ARMH3: variants seen among roughly 807,000 people sequenced by gnomAD.
ARMH3 encodes the protein armadillo like helical domain containing 3.
Under a neutral mutation model 99.1 loss-of-function variants are expected in ARMH3, and 60 were observed. The ratio of observed to expected loss-of-function variants is 0.61; its 90% CI spans 0.49 to 0.75. The LOEUF is 0.75. ARMH3 is among the 30% of genes least tolerant of loss of function. The probability of loss-of-function intolerance (pLI) is 0.00; values close to 1 mark genes in which losing one functional copy is unlikely to be tolerated. For synonymous variants in ARMH3, 285 were observed against 292.8 expected (o/e 0.97, Z 0.27); for missense variants, 679 against 843.1 (o/e 0.81, Z 2.41).
At chr10:101,995,481 A>C in intron 15 of ARMH3, 126 bp from the exon 16 acceptor site, 1 of 773,836 alleles carries the variant, frequency 1.3e-6, no homozygotes, top group Non-Finnish European at 2.1e-6. Flanking sequence ...AAATCCATAA[A>C]TGAAAATCAA....
intron 13 of ARMH3, among the ~76,000 whole-genome samples, chr10:102,008,275 T>C (rs891102189): frequency 1.3e-5 from 2 of 152,204 alleles, no homozygotes; most frequent in African/African-American, 2.4e-5. Flanking sequence ...TTCAAATCAA[T>C]AGATTCCATA....
At chr10:102,017,337 C>G (rs928405571) in intron 8 of ARMH3, among the ~76,000 whole-genome samples, 1 of 152,232 alleles carries the variant, frequency 6.6e-6, no homozygotes, top group South Asian at 2.1e-4. Flanking sequence ...TTGCCCACTA[C>G]ATTAATTCTT....
At chr10:101,936,351 G>A (rs1427452414) in intron 23 of ARMH3, among the ~76,000 whole-genome samples, 1 of 151,832 alleles carries the variant, frequency 6.6e-6, no homozygotes, top group African/African-American at 2.4e-5. Flanking sequence ...AATTAGCCGG[G>A]AATAGTGGTG....
At chr10:102,047,797 A>G (rs2067593284) in intron 1 of ARMH3, among the ~76,000 whole-genome samples, 1 of 152,064 alleles carries the variant, frequency 6.6e-6, no homozygotes. Flanking sequence ...TTGGGTCTAC[A>G]TTTTTAACAA....
At chr10:101,940,072 T>C (rs1005254282) in intron 22 of ARMH3, 134 bp from the exon 23 acceptor site, 3 of 617,700 alleles carry the variant, frequency 4.9e-6, no homozygotes, top group African/African-American at 1.9e-5. Context: ...GTTAAAAACA[T>C]CCTCAGCTTA....
At chr10:101,909,385 C>T (rs905018852) in intron 23 of ARMH3, among the ~76,000 whole-genome samples, 8 of 137,834 alleles carry the variant, frequency 5.8e-5, no homozygotes, top group Admixed American at 1.6e-4. Flanking sequence ...CCAGCCTGGG[C>T]GACAGGAGTG....
chr10:101,924,002 A>G (rs1295529532), intron 23 of ARMH3, among the ~76,000 whole-genome samples: 2 of 152,198 alleles, frequency 1.3e-5, no homozygotes, highest in Non-Finnish European at 2.9e-5. Flanking sequence ...AAGGGGAGAG[A>G]TTAGTCCCAA....
At chr10:101,957,419 A>G (rs1202438305) in intron 21 of ARMH3, among the ~76,000 whole-genome samples, 4 of 152,060 alleles carry the variant, frequency 2.6e-5, no homozygotes, top group African/African-American at 9.7e-5. Context: ...TCTAACCTAT[A>G]CCCACCCCTG....
At chr10:101,884,696 C>T (rs1459018428) in intron 24 of ARMH3, among the ~76,000 whole-genome samples, 1 of 151,952 alleles carries the variant, frequency 6.6e-6, no homozygotes, top group Non-Finnish European at 1.5e-5. Flanking sequence ...GGAAAAGCTT[C>T]ATAACATTAG....
chr10:102,017,521 C>A (rs970744819), intron 8 of ARMH3, among the ~76,000 whole-genome samples: 3 of 152,174 alleles, frequency 2.0e-5, no homozygotes, highest in African/African-American at 7.2e-5. Context: ...TGGACTGCAT[C>A]CAGTAGAATG....
chr10:101,969,566 A>T (rs556238398), intron 20 of ARMH3, among the ~76,000 whole-genome samples: 1 of 152,370 alleles, frequency 6.6e-6, no homozygotes, highest in South Asian at 2.1e-4. Flanking sequence ...CTCTGCCAGT[A>T]ATAGGAGAGC....
At chr10:101,902,551 G>C (rs898322063) in intron 23 of ARMH3, among the ~76,000 whole-genome samples, 1 of 152,062 alleles carries the variant, frequency 6.6e-6, no homozygotes, top group Non-Finnish European at 1.5e-5. Context: ...GCAGATGCAC[G>C]CACAGGCACT....
At chr10:102,040,441 T>TAGAAA (rs1224840953) in intron 1 of ARMH3, among the ~76,000 whole-genome samples, 1 of 152,144 alleles carries the variant, frequency 6.6e-6, no homozygotes, top group Non-Finnish European at 1.5e-5. Context: ...AATTAAATCT[T>TAGAAA]AGAAAAGAAA....
chr10:101,965,557 C>T (rs1404516469), intron 20 of ARMH3, among the ~76,000 whole-genome samples: 3 of 152,238 alleles, frequency 2.0e-5, no homozygotes, highest in Admixed American at 1.3e-4. Flanking sequence ...TCCTCAGGGA[C>T]TCTGGGTTTG....
At chr10:101,929,515 C>A (rs541416948) in intron 23 of ARMH3, among the ~76,000 whole-genome samples, 2 of 151,964 alleles carry the variant, frequency 1.3e-5, no homozygotes, top group East Asian at 3.9e-4. Flanking sequence ...GAAAGAGTGT[C>A]CTCTGCAAAT....
chr10:101,987,076 A>G (rs183815140), intron 19 of ARMH3, among the ~76,000 whole-genome samples: 23 of 152,310 alleles, frequency 1.5e-4, no homozygotes, highest in African/African-American at 4.3e-4. Context: ...GGGTTTGGGT[A>G]AACAGATAAT....
chr10:101,886,371 A>AT (rs1159895073), intron 24 of ARMH3, among the ~76,000 whole-genome samples: 1 of 142,916 alleles, frequency 7.0e-6, no homozygotes, highest in African/African-American at 2.5e-5. Flanking sequence ...TCAGCCAGGC[A>AT]TGGTGGCATG....
chr10:101,962,073 G>C (rs2135841890), intron 20 of ARMH3, among the ~76,000 whole-genome samples: 1 of 152,338 alleles, frequency 6.6e-6, no homozygotes, highest in South Asian at 2.1e-4. Flanking sequence ...TTCCAACGAA[G>C]CATGACCTTA....
intron 10 of ARMH3, among the ~76,000 whole-genome samples, chr10:102,012,206 T>C (rs1383649499): frequency 6.6e-6 from 1 of 152,238 alleles, no homozygotes; most frequent in Admixed American, 6.5e-5. Flanking sequence ...GAAGTTCTGA[T>C]ACCCAATTGT....
Sources: allele counts gnomAD v4.1 joint callset (sites outside exome capture counted in the v4.1 genomes callset), GRCh38; gene constraint gnomAD v4.1.1; transcripts MANE v1.5; gene names NCBI Gene and HGNC (gene_info 2026-07-23, HGNC 2026-07-21).